The following LRRIQ1 variants were observed in gnomAD, a reference collection of about 807,000 sequenced individuals.
LRRIQ1 encodes leucine rich repeats and IQ motif containing 1, also known as leucine-rich repeat- and IQ domain-containing protein 1.
Under a neutral mutation model 211.9 loss-of-function variants are expected in LRRIQ1, and 210 were observed. That is an observed-to-expected ratio of 0.99 (90% CI 0.89 to 1.11). The LOEUF (loss-of-function observed/expected upper bound fraction) is 1.11. Among genes scored for constraint, LRRIQ1 ranks in the 50% most tolerant of loss-of-function variants. LRRIQ1 has a pLI of 0.00. For missense variants in LRRIQ1, 2,136 were observed against 1,939.5 expected, an observed-to-expected ratio of 1.10 and a Z score of -1.90; for synonymous variants, 699 against 650.1, an observed-to-expected ratio of 1.08 and a Z score of -1.14.
chr12:85,092,989 G>T (rs1040216789), intron 11 of LRRIQ1, among the ~76,000 whole-genome samples: 5 of 152,166 alleles, frequency 3.3e-5, no homozygotes, highest in Admixed American at 1.3e-4. Context: ...TGAAATAGCA[G>T]AGGATACTGA....
intron 11 of LRRIQ1, among the ~76,000 whole-genome samples, chr12:85,080,996 G>T (rs1423379690): frequency 6.6e-6 from 1 of 152,040 alleles, no homozygotes; most frequent in Non-Finnish European, 1.5e-5. Context: ...CAATCTCTGT[G>T]TAGTTGAATC....
intron 11 of LRRIQ1, among the ~76,000 whole-genome samples, chr12:85,080,077 G>GTA (rs1565814679): frequency 1.3e-5 from 2 of 151,946 alleles, no homozygotes; most frequent in South Asian, 2.1e-4. Context: ...GCGCACACAC[G>GTA]TACCCACAAA....
intron 24 of LRRIQ1, among the ~76,000 whole-genome samples, chr12:85,216,039 TG>T (rs1308966435): frequency 1.3e-5 from 2 of 152,194 alleles, no homozygotes; most frequent in African/African-American, 4.8e-5. Context: ...ATTGTAATTT[TG>T]CTTTAAGTTC....
chr12:85,038,404 C>A, intron 2 of LRRIQ1, 96 bp downstream of exon 2: 1 of 847,056 alleles, frequency 1.2e-6, no homozygotes, highest in Non-Finnish European at 1.6e-6. Context: ...TCATTTTTAG[C>A]AGCATTGTTA....
rs1470410632 is a variant in LRRIQ1, at chr12:85,154,866, C to T, written c.4720+772C>T. ...GTTAGTAAAAAGTTTCCAAAAAAGA[C>T]CAGTTACTCATGAGCAGTGCAATAA... On this transcript the variant is annotated intron_variant, in intron 23 of 26. Transcript: ENST00000393217. Among the ~76,000 whole-genome samples the T allele has an allele frequency of 1.9e-4, 29 of 151,156 alleles. No homozygotes were observed. In the South Asian group the frequency reaches 5.8e-3, roughly 30 times the overall value.
At chr12:85,250,631 TC>T (rs1895879499) in intron 1 of LRRIQ1, among the ~76,000 whole-genome samples, 1 of 149,276 alleles carries the variant, frequency 6.7e-6, no homozygotes, top group Non-Finnish European at 1.5e-5. Flanking sequence ...TCCCAGCTAC[TC>T]AGGAAGCTGA....
intron 24 of LRRIQ1, 84 bp downstream of exon 24, chr12:85,160,798 TTAATCA>T: frequency 1.5e-6 from 1 of 655,908 alleles, no homozygotes; most frequent in Non-Finnish European, 2.3e-6. Context: ...TTTTTAATTC[TTAATCA>T]TAAAGTATAT....
At chr12:85,037,404 A>C (rs185735419) in intron 1 of LRRIQ1, among the ~76,000 whole-genome samples, 2 of 152,244 alleles carry the variant, frequency 1.3e-5, no homozygotes, top group African/African-American at 4.8e-5. Context: ...CTTTCCTTCT[A>C]ATAAAGCTTT....
chr12:85,076,087 C>T (rs1489669078), intron 11 of LRRIQ1, among the ~76,000 whole-genome samples: 1 of 151,950 alleles, frequency 6.6e-6, no homozygotes, highest in Non-Finnish European at 1.5e-5. Context: ...CATTAAAACT[C>T]TTTATGCTGA....
chr12:85,160,684 G>A lies in LRRIQ1; in HGVS notation c.4792G>A (p.Val1598Ile). ...KVSLPKSPKM[V>I]QPRRDGYFEG... The stretch of plus-strand genomic sequence containing the variant: ...GTCTCTTCCAAAATCACCAAAGATG[G>A]TACAGCCCAGAAGAGATGGTTACTT... The change falls in exon 24 of 27, where the codon GTA becomes ATA. Residue 1598 changes from valine (V) to isoleucine (I), a missense_variant. Val to Ile is a conservative substitution (Grantham distance 29). Coordinates refer to ENST00000393217, the MANE Select transcript of LRRIQ1 (RefSeq NM_001079910.2). 1.2e-6 allele frequency: 2 copies of A among 1,609,210 alleles called. No homozygotes were observed.
intron 19 of LRRIQ1, among the ~76,000 whole-genome samples, chr12:85,148,593 T>C (rs1172086197): frequency 6.6e-6 from 1 of 151,976 alleles, no homozygotes; most frequent in Non-Finnish European, 1.5e-5. Context: ...CTATTATAAA[T>C]AGTGCTGCAG....
chr12:85,236,917 A>G (rs931106281), intron 26 of LRRIQ1, among the ~76,000 whole-genome samples: 4 of 148,322 alleles, frequency 2.7e-5, no homozygotes, highest in African/African-American at 7.5e-5. Context: ...GTGTTGCTGT[A>G]TTATTTATAC....
At position 85,189,238 on chromosome 12, in the gene LRRIQ1, A is replaced by G. The variant is rs1892376597; in HGVS notation, c.4822+28524A>G. On this transcript the variant is annotated intron_variant, in intron 24 of 26. Transcript: ENST00000393217. ...TCCAGATGAAATGAAGAAAAGAGCA[A>G]ATGGCTAAATTCAGTATCAAGAGAC... is the stretch of plus-strand genomic sequence containing the variant. Among the ~76,000 whole-genome samples, 5 of 152,098 alleles carry G rather than the reference A, an allele frequency of 3.3e-5. No homozygotes were observed. In the South Asian group the frequency reaches 1.0e-3, roughly 31 times the overall value.
chr12:85,229,519 A>G lies in LRRIQ1; in HGVS notation c.4825A>G (p.Ile1609Val), dbSNP rs983420222. 12 of 1,605,516 alleles carry G rather than the reference A, an allele frequency of 7.5e-6. 1 individual carries two copies. Among genetic ancestry groups the G allele is most frequent in the South Asian group, 2.2e-5 (2 of 89,644 alleles). The change falls in exon 25 of 27, where the codon ATA (isoleucine) becomes GTA (valine). Residue 1609 changes from isoleucine (I) to valine (V), a missense_variant and splice_region_variant. Physicochemically the swap from Ile to Val is conservative, Grantham distance 29. Transcript: ENST00000393217. ...QPRRDGYFEG[I>V]EEDPIHKDTT... is the part of the protein sequence containing the mutation. ...CACGTTCCATATTTCTTTCACAGGT[A>G]TAGAAGAAGACCCTATCCACAAAGA...
chr12:85,236,830 C>CATATATATATATATATATATAT lies in LRRIQ1; in HGVS notation c.5016+4079_5016+4100dup, dbSNP rs60371759. ...CTGGATATATGTATGTGTATGTGTG[C>CATATATATATATATATATATAT]ATATATATATATATATATATATATA... On this transcript the variant is annotated intron_variant, in intron 26 of 26. Transcript: ENST00000393217. Among the ~76,000 whole-genome samples the CATATATATATATATATATATAT allele has an allele frequency of 3.6e-3, 396 of 108,656 alleles. 13 individuals carry two copies. The highest frequency in any genetic ancestry group is 8.8e-3 in the African/African-American group (196 of 22,290). The allele number at this position is 108,656 out of a possible 152,430, so 71.3% of individuals were successfully genotyped here. A position where few individuals can be genotyped will look rare whatever the true frequency, so the allele number is the denominator to read the frequency against.
intron 11 of LRRIQ1, among the ~76,000 whole-genome samples, chr12:85,097,452 G>A (rs554671763): frequency 4.2e-5 from 5 of 119,896 alleles, no homozygotes; most frequent in South Asian, 5.9e-4. Context: ...TGTTCCCCCC[G>A]CTGTGTCCAA....
chr12:85,128,072 A>G, intron 18 of LRRIQ1, 39 bp downstream of exon 18: 1 of 1,368,186 alleles, frequency 7.3e-7, no homozygotes, highest in African/African-American at 1.4e-5. Context: ...TACAAAAGAT[A>G]TATTAGTTGT....
rs1887468295 is a variant in LRRIQ1 at position 85,114,930 on chromosome 12, A to G, written c.3378-6767A>G. On this transcript the variant is annotated intron_variant, in intron 15 of 26. Coordinates refer to ENST00000393217, the MANE Select transcript of LRRIQ1 (RefSeq NM_001079910.2). ...AACTTTACATAACCCCATGATACCA[A>G]CAAAAGGATTAGTTATAAATTTTCC... is the stretch of plus-strand genomic sequence containing the variant. Among the ~76,000 whole-genome samples, 4 of 152,216 alleles carry G rather than the reference A, an allele frequency of 2.6e-5. No homozygotes were observed. In the South Asian group the frequency reaches 8.3e-4, roughly 31 times the overall value.
At chr12:85,076,755 CTT>C (rs1434643814) in intron 11 of LRRIQ1, 1 of 155,902 alleles carries the variant, frequency 6.4e-6, no homozygotes, top group African/African-American at 2.5e-5. Context: ...TTATAAGAAT[CTT>C]TTTCACTATT....
Sources: gnomAD v4.1 joint callset for allele counts (sites outside exome capture counted in the v4.1 genomes callset) on GRCh38, gnomAD v4.1.1 for gene constraint, MANE v1.5 for transcripts, NCBI Gene and HGNC (gene_info 2026-07-23, HGNC 2026-07-21) for gene names.